The following TNIK variants were observed in gnomAD, a reference collection of about 807,000 sequenced individuals.
The protein encoded by TNIK is TRAF2 and NCK interacting kinase.
A neutral mutation model predicts 191.3 loss-of-function variants in TNIK; 49 were observed. The observed-to-expected ratio is 0.26, with a 90% CI of 0.20 to 0.32. The LOEUF is 0.32. Among genes scored for constraint, TNIK ranks in the 10% least tolerant of loss-of-function variants. The probability of loss-of-function intolerance (pLI) is 1.00; values close to 1 mark genes in which losing one functional copy is unlikely to be tolerated. For missense variants in TNIK, 1,155 were observed against 1,702.3 expected (o/e 0.68, Z 5.66); for synonymous variants, 594 against 600.9 (o/e 0.99, Z 0.17).
At chr3:171,330,416 G>A (rs905459350) in intron 2 of TNIK, among the ~76,000 whole-genome samples, 5 of 152,192 alleles carry the variant, frequency 3.3e-5, no homozygotes, top group African/African-American at 1.2e-4. Context: ...GCTAAACAAA[G>A]ATTAATGATA....
At chr3:171,315,997 T>A (rs1754556503) in intron 2 of TNIK, among the ~76,000 whole-genome samples, 1 of 152,152 alleles carries the variant, frequency 6.6e-6, no homozygotes, top group South Asian at 2.1e-4. Flanking sequence ...TACTACTGCC[T>A]TCTTAACCAA....
At chr3:171,296,661 G>A (rs1395534065) in intron 2 of TNIK, among the ~76,000 whole-genome samples, 1 of 152,134 alleles carries the variant, frequency 6.6e-6, no homozygotes, top group Non-Finnish European at 1.5e-5. Context: ...TAAAAGGGGT[G>A]GTGGTAGAGT....
At chr3:171,273,858 A>C (rs6785520) in intron 2 of TNIK, among the ~76,000 whole-genome samples, 25,702 of 152,182 alleles carry the variant, frequency 0.17, 2,348 homozygotes, top group Middle Eastern at 0.19. Context: ...CAGGAGGGAC[A>C]TTAGAGTGAG....
intron 7 of TNIK, among the ~76,000 whole-genome samples, chr3:171,185,522 A>C (rs1737250633): frequency 6.6e-6 from 1 of 152,182 alleles, no homozygotes; most frequent in Non-Finnish European, 1.5e-5. Flanking sequence ...TTTCACTTGA[A>C]GTGTTTTGAC....
intron 3 of TNIK, among the ~76,000 whole-genome samples, chr3:171,212,955 A>C (rs1741018116): frequency 6.6e-6 from 1 of 152,202 alleles, no homozygotes; most frequent in Admixed American, 6.5e-5. Context: ...AACTAAGCTG[A>C]AGACTAGGTA....
intron 5 of TNIK, among the ~76,000 whole-genome samples, chr3:171,193,683 T>A (rs1738328396): frequency 6.6e-6 from 1 of 152,222 alleles, no homozygotes; most frequent in East Asian, 1.9e-4. Flanking sequence ...CAAAGGCATA[T>A]CTTGAACACA....
chr3:171,247,163 C>G (rs747909635), intron 2 of TNIK, among the ~76,000 whole-genome samples: 2 of 152,228 alleles, frequency 1.3e-5, no homozygotes, highest in African/African-American at 2.4e-5. Flanking sequence ...CAAGATCAGA[C>G]TGGATTCCAG....
At chr3:171,140,678 C>G (rs67124134) in intron 12 of TNIK, among the ~76,000 whole-genome samples, 169 bp from the exon 13 acceptor site, 18,226 of 152,072 alleles carry the variant, frequency 0.12, 1,551 homozygotes, top group African/African-American at 0.24. Context: ...TGGCAGGGAG[C>G]GGGTGAGAGA....
At chr3:171,349,167 G>A (rs1460336108) in intron 2 of TNIK, among the ~76,000 whole-genome samples, 1 of 151,992 alleles carries the variant, frequency 6.6e-6, no homozygotes. Flanking sequence ...CATCTCTCAA[G>A]AAAAACAGTA....
At chr3:171,291,365 CTCATA>C (rs1228786931) in intron 2 of TNIK, among the ~76,000 whole-genome samples, 2 of 152,180 alleles carry the variant, frequency 1.3e-5, no homozygotes, top group African/African-American at 4.8e-5. Flanking sequence ...AGGCTTCCCT[CTCATA>C]TTATTTCCCT....
At chr3:171,369,805 CAT>C (rs1477663747) in intron 1 of TNIK, 120 bp from the exon 2 acceptor site, 4 of 692,550 alleles carry the variant, frequency 5.8e-6, no homozygotes, top group African/African-American at 5.2e-5. Context: ...CAGGGGCTCT[CAT>C]GTGTTAACAT....
chr3:171,218,471 A>G (rs908454800), intron 3 of TNIK, among the ~76,000 whole-genome samples: 3 of 152,046 alleles, frequency 2.0e-5, no homozygotes, highest in Non-Finnish European at 4.4e-5. Context: ...CGTGGCTTAT[A>G]TCTTCAAGGA....
chr3:171,373,220 G>A (rs1353261323), intron 1 of TNIK, among the ~76,000 whole-genome samples: 1 of 152,054 alleles, frequency 6.6e-6, no homozygotes, highest in African/African-American at 2.4e-5. Context: ...ACACATAGTG[G>A]TTGCTTCTCA....
chr3:171,140,539 G>A, intron 12 of TNIK, 30 bp from the exon 13 acceptor site: 1 of 1,608,262 alleles, frequency 6.2e-7, no homozygotes, highest in Non-Finnish European at 8.5e-7. Flanking sequence ...CAACCATGAA[G>A]GCAACAGGCC....
chr3:171,112,598 A>AAAC (rs113000150), intron 18 of TNIK, among the ~76,000 whole-genome samples: 3,928 of 152,292 alleles, frequency 0.026, 121 homozygotes, highest in African/African-American at 0.06. Flanking sequence ...TGGAATCTAC[A>AAAC]AACATCAAAC....
rs370956250 is a variant in TNIK at position 171,183,733 on chromosome 3, C to T, written c.639+4969G>A. On this transcript the variant is annotated intron_variant, in intron 7 of 32. Transcript: ENST00000436636. ...GTCAGGAGATCAAGACCAGCCTGGCCAACACAGTGAAACCCTGTCTCTACT... is the reference window on the plus strand; with the variant it reads ...GTCAGGAGATCAAGACCAGCCTGGCTAACACAGTGAAACCCTGTCTCTACT... Among the ~76,000 whole-genome samples the T allele has an allele frequency of 3.5e-3, 526 of 152,034 alleles. 1 individual carries two copies. Among genetic ancestry groups the T allele is most frequent in the African/African-American group, 9.7e-3 (401 of 41,464 alleles).
intron 2 of TNIK, among the ~76,000 whole-genome samples, chr3:171,327,933 C>CAAAAAAAAAAAAAA (rs1577493797): frequency 1.2e-5 from 1 of 84,906 alleles, no homozygotes; most frequent in Non-Finnish European, 2.6e-5. Context: ...AAAAAAAAAT[C>CAAAAAAAAAAAAAA]ACTTGTTTGG....
At chr3:171,259,402 C>A (rs944009467) in intron 2 of TNIK, among the ~76,000 whole-genome samples, 1 of 152,152 alleles carries the variant, frequency 6.6e-6, no homozygotes, top group Non-Finnish European at 1.5e-5. Flanking sequence ...GATAACTATT[C>A]CTGAACACTC....
rs200844080 is a variant in TNIK at position 171,189,903 on chromosome 3, G to GA, written c.508+793dup. Among the ~76,000 whole-genome samples, 811 of 151,710 alleles carry GA rather than the reference G, an allele frequency of 5.3e-3. 6 individuals carry two copies. The highest frequency in any genetic ancestry group is 0.013 in the Admixed American group (202 of 15,256). On this transcript the variant is annotated intron_variant, in intron 6 of 32. Transcript: ENST00000436636. ...AAGTTTGGTCCCAAATGTTAACTAA[G>GA]AAAAAAAATGGAAGTCATATATTTC...
Sources: allele counts gnomAD v4.1 joint callset (sites outside exome capture counted in the v4.1 genomes callset), GRCh38; gene constraint gnomAD v4.1.1; transcripts MANE v1.5; gene names NCBI Gene and HGNC (gene_info 2026-07-23, HGNC 2026-07-21).